The following CHRM2 variants were observed in gnomAD, a reference collection of about 807,000 sequenced individuals.
CHRM2 encodes cholinergic receptor muscarinic 2.
CHRM2 carries 8 observed loss-of-function variants against 25.0 expected under a neutral mutation model. The ratio of observed to expected loss-of-function variants is 0.32; its 90% CI spans 0.19 to 0.58. CHRM2 has a LOEUF of 0.58. CHRM2 is among the 20% of genes least tolerant of loss of function. The pLI, the probability that CHRM2 is intolerant of heterozygous loss-of-function variation, is 0.88. For synonymous variants in CHRM2, 202 were observed against 205.7 expected (o/e 0.98, Z 0.15); for missense variants, 440 against 567.1 (o/e 0.78, Z 2.28).
At position 136,936,924 on chromosome 7, in the gene CHRM2, C is replaced by G. The variant is rs192139200; in HGVS notation, c.-124-55263C>G. On this transcript the variant is annotated intron_variant, in intron 2 of 3. Transcript: ENST00000680005. ...CTTTGTGTTATTGTTCTCCAATAAT[C>G]TGCTGAATTTTAGACAGACCAAGGT... 2.9e-3 allele frequency among the ~76,000 whole-genome samples: 437 copies of G among 152,212 alleles called. 3 individuals are homozygous for G. Among genetic ancestry groups the G allele is most frequent in the African/African-American group, 0.01 (427 of 41,550 alleles).
chr7:136,975,827 G>A (rs1341007135), intron 2 of CHRM2, among the ~76,000 whole-genome samples: 3 of 152,076 alleles, frequency 2.0e-5, no homozygotes, highest in Admixed American at 2.0e-4. Context: ...AATAGAGTAG[G>A]GCAAATTATC....
chr7:136,993,647 A>G (rs1198456555), intron 3 of CHRM2, among the ~76,000 whole-genome samples: 1 of 152,174 alleles, frequency 6.6e-6, no homozygotes, highest in Non-Finnish European at 1.5e-5. Context: ...AGCTCGAGCT[A>G]GGAAGAACAT....
chr7:137,005,975 C>A (rs1162602811), intron 3 of CHRM2, among the ~76,000 whole-genome samples: 1 of 152,066 alleles, frequency 6.6e-6, no homozygotes, highest in Admixed American at 6.6e-5. Flanking sequence ...CTGTAGCTCT[C>A]CAAGAATTGC....
At chr7:136,889,788 G>A (rs1796617643) in intron 2 of CHRM2, among the ~76,000 whole-genome samples, 1 of 152,146 alleles carries the variant, frequency 6.6e-6, no homozygotes, top group South Asian at 2.1e-4. Flanking sequence ...GGTTTGTTTA[G>A]CTATTGCGGA....
chr7:136,972,161 C>T (rs1158648322), intron 2 of CHRM2, among the ~76,000 whole-genome samples: 10 of 151,278 alleles, frequency 6.6e-5, no homozygotes, highest in African/African-American at 2.2e-4. Flanking sequence ...TCCTAAAGTT[C>T]AGTAAAGGCC....
chr7:136,938,536 G>A, intron 2 of CHRM2: 1 of 932,664 alleles, frequency 1.1e-6, no homozygotes, highest in South Asian at 1.3e-5. Flanking sequence ...GATTGACCGT[G>A]ACTGCAGTGA....
chr7:136,927,015 A>C (rs1044537344), intron 2 of CHRM2, among the ~76,000 whole-genome samples: 2 of 149,140 alleles, frequency 1.3e-5, no homozygotes, highest in African/African-American at 4.8e-5. Flanking sequence ...TTCATACCTT[A>C]GAATATGCTA....
At chr7:136,956,455 T>C (rs1167981408) in intron 2 of CHRM2, among the ~76,000 whole-genome samples, 2 of 152,170 alleles carry the variant, frequency 1.3e-5, no homozygotes, top group African/African-American at 4.8e-5. Context: ...TTAGTGGGTA[T>C]AGATAGCAAC....
rs944694228 is a variant in CHRM2, at chr7:136,942,429, A to G, written c.-124-49758A>G. Among the ~76,000 whole-genome samples the G allele has an allele frequency of 5.9e-5, 9 of 152,146 alleles. No individual in the cohort carries two copies. The East Asian group carries it at 1.5e-3, about 26-fold the overall frequency. ...CACCTGTTCCCAAGGACCAGTGTTC[A>G]TTCTATTACTAAAACCCAATCACAA... On this transcript the variant is annotated intron_variant, in intron 2 of 3. Coordinates refer to ENST00000680005, the MANE Select transcript of CHRM2 (RefSeq NM_001006630.2).
At chr7:136,875,325 A>T (rs1441299305) in intron 2 of CHRM2, among the ~76,000 whole-genome samples, 2 of 152,122 alleles carry the variant, frequency 1.3e-5, no homozygotes, top group African/African-American at 4.8e-5. Flanking sequence ...AATAATATCA[A>T]GCTGCACATT....
chr7:136,948,046 T>C (rs1800172589), intron 2 of CHRM2, among the ~76,000 whole-genome samples: 3 of 152,122 alleles, frequency 2.0e-5, no homozygotes, highest in Admixed American at 2.0e-4. Context: ...TCCTCATGGC[T>C]GGGGGATTGT....
intron 2 of CHRM2, among the ~76,000 whole-genome samples, chr7:136,951,686 A>G (rs781403311): frequency 4.6e-5 from 7 of 152,138 alleles, no homozygotes; most frequent in Non-Finnish European, 1.0e-4. Flanking sequence ...CACAAATACA[A>G]TATTTCAGTG....
Position 136,925,550 on chromosome 7 carries a change from T to C in CHRM2, c.-125+56132T>C, listed in dbSNP as rs564788223. On this transcript the variant is annotated intron_variant, in intron 2 of 3. Transcript: ENST00000680005. ...TAAAACTATAAACAGCTTTTTTTTT[T>C]CTAAATGGGAAGTCTACAATAGAAA... is the stretch of plus-strand genomic sequence containing the variant. Among the ~76,000 whole-genome samples, 8 of 152,154 alleles carry C rather than the reference T, an allele frequency of 5.3e-5. No individual in the cohort carries two copies. The East Asian group carries it at 9.7e-4, about 18-fold the overall frequency.
chr7:136,893,596 C>A (rs1388911597), intron 2 of CHRM2, among the ~76,000 whole-genome samples: 1 of 152,136 alleles, frequency 6.6e-6, no homozygotes, highest in Non-Finnish European at 1.5e-5. Context: ...TCCAAGGCCA[C>A]TGAAGATCAT....
At chr7:136,915,757 C>T (rs768081624) in intron 2 of CHRM2, among the ~76,000 whole-genome samples, 7 of 151,706 alleles carry the variant, frequency 4.6e-5, no homozygotes, top group African/African-American at 1.2e-4. Flanking sequence ...ACTGCCAATG[C>T]GCCAACCTCA....
At chr7:136,897,177 G>T (rs1482483694) in intron 2 of CHRM2, among the ~76,000 whole-genome samples, 1 of 151,812 alleles carries the variant, frequency 6.6e-6, no homozygotes, top group Non-Finnish European at 1.5e-5. Context: ...GGTTTCCAGG[G>T]TAGGCACTTA....
intron 2 of CHRM2, among the ~76,000 whole-genome samples, chr7:136,951,801 G>C (rs79640250): frequency 1.1e-3 from 161 of 152,248 alleles, no homozygotes; most frequent in African/African-American, 3.8e-3. Flanking sequence ...AGTGAGAAGA[G>C]ACCTGTTTTT....
chr7:136,891,802 G>A (rs1584705342), intron 2 of CHRM2, among the ~76,000 whole-genome samples: 1 of 152,120 alleles, frequency 6.6e-6, no homozygotes, highest in East Asian at 1.9e-4. Context: ...CCCATGCTAA[G>A]CATAGCCAGC....
At chr7:136,875,197 T>A (rs1047960895) in intron 2 of CHRM2, among the ~76,000 whole-genome samples, 1 of 150,786 alleles carries the variant, frequency 6.6e-6, no homozygotes, top group Non-Finnish European at 1.5e-5. Flanking sequence ...GAAAAAAATA[T>A]ATATACATAT....
Sources: gnomAD v4.1 joint callset for allele counts (sites outside exome capture counted in the v4.1 genomes callset) on GRCh38, gnomAD v4.1.1 for gene constraint, MANE v1.5 for transcripts, NCBI Gene and HGNC (gene_info 2026-07-23, HGNC 2026-07-21) for gene names.